IFT140: variants seen among roughly 807,000 people sequenced by gnomAD.
The protein encoded by IFT140 is intraflagellar transport protein 140 homolog.
Under a neutral mutation model 164.6 loss-of-function variants are expected in IFT140, and 133 were observed. The ratio of observed to expected loss-of-function variants is 0.81; its 90% CI spans 0.70 to 0.93. The LOEUF (loss-of-function observed/expected upper bound fraction) is 0.93, where lower values mean the gene tolerates loss of function less well. IFT140 is among the 40% of genes least tolerant of loss of function. IFT140 has a pLI of 0.00. For missense variants in IFT140, 2,045 were observed against 1,972.3 expected, an observed-to-expected ratio of 1.04 and a Z score of -0.70; for synonymous variants, 860 against 817.3, an observed-to-expected ratio of 1.05 and a Z score of -0.89.
intron 19 of IFT140, chr16:1,542,090 C>T (rs765059177): frequency 4.2e-5 from 66 of 1,586,386 alleles, no homozygotes; most frequent in African/African-American, 2.8e-4. Flanking sequence ...AGTACCTGGG[C>T]GGGTGTGGCC....
At chr16:1,569,447 CT>C (rs1396951332) in intron 14 of IFT140, among the ~76,000 whole-genome samples, 1 of 148,250 alleles carries the variant, frequency 6.7e-6, no homozygotes, top group East Asian at 2.0e-4. Flanking sequence ...TCCCTCTTCC[CT>C]TCCCTCCCCT....
At position 1,531,586 on chromosome 16, in the gene IFT140, C is replaced by T. The variant is rs776572027; in HGVS notation, c.2400-4790G>A. On this transcript the variant is annotated intron_variant, in intron 19 of 30. Transcript: ENST00000426508. The surrounding 1 kb of genome is among the most constrained non-coding windows in gnomAD (Gnocchi z 4.7). ...GAAGCCCACCGCCCAGCTGCGAGTC[C>T]CCTTACTGGGAGTCACCCCCCGAGA... is the stretch of plus-strand genomic sequence containing the variant. 1 of 152,274 alleles carries T rather than the reference C, an allele frequency of 6.6e-6. No homozygotes were observed. The highest frequency in any genetic ancestry group is 1.9e-4 in the East Asian group (1 of 5,176). 9.4% of individuals were successfully genotyped at this position (152,274 alleles called of 1,614,324 possible).
rs576060920 is a variant in IFT140, at chr16:1,526,072, G to A, written c.2583C>T (p.Asp861=). The change falls in exon 21 of 31, where the codon GAC becomes GAT. Residue 861 remains aspartate (D), a synonymous_variant. Transcript: ENST00000426508. ...VLATQLGMLE[D]AEQLYRKCKR... ...TGCACTTCCTGTACAGCTGCTCGGC[G>A]TCCTCCTGAGGAATGAGGATGGGCA... 225 of 1,583,752 alleles carry A rather than the reference G, an allele frequency of 1.4e-4. No individual in the cohort carries two copies. The highest frequency in any genetic ancestry group is 2.4e-4 in the African/African-American group (18 of 74,346).
Position 1,518,477 on chromosome 16 carries a change from T to C in IFT140, c.4041-120A>G, listed in dbSNP as rs1471207306. 4 of 936,790 alleles carry C rather than the reference T, an allele frequency of 4.3e-6. No homozygotes were observed. The East Asian group carries it at 1.1e-4, about 27-fold the overall frequency. The allele number at this position is 936,790 out of a possible 1,614,324, so 58.0% of individuals were successfully genotyped here. A position where few individuals can be genotyped will look rare whatever the true frequency, so the allele number is the denominator to read the frequency against. ...TCCGGAATGGCAGGAGGAAACTTTC[T>C]ATGAAGTTAAATTCATTAATTCCTT... On this transcript the variant is annotated intron_variant, in intron 29 of 30. Transcript: ENST00000426508.
intron 19 of IFT140, chr16:1,527,087 T>C: frequency 9.1e-6 from 4 of 439,152 alleles, no homozygotes; most frequent in Non-Finnish European, 8.1e-6. Flanking sequence ...TTCCCTGCTC[T>C]AAGCGGCTGT....
At position 1,553,291 on chromosome 16, in the gene IFT140, C is replaced by A. The variant is rs1314260492; in HGVS notation, c.2399+4644G>T. The A allele has an allele frequency of 8.2e-6, 8 of 981,268 alleles. No homozygotes were observed. The East Asian group carries it at 8.0e-4, about 98-fold the overall frequency. 60.8% of individuals were successfully genotyped at this position (981,268 alleles called of 1,614,324 possible). A position where few individuals can be genotyped will look rare whatever the true frequency, so the allele number is the denominator to read the frequency against. ...TGGTCTCTGTCTCTCTGTGTCTCTG[C>A]CTGTCTCTCTGTGTCTCTGTCTCTG... On this transcript the variant is annotated intron_variant, in intron 19 of 30. Transcript: ENST00000426508. The surrounding 1 kb of genome is among the most constrained non-coding windows in gnomAD (Gnocchi z 4.4).
intron 4 of IFT140, among the ~76,000 whole-genome samples, chr16:1,601,053 A>C (rs1438495928): frequency 4.6e-5 from 7 of 152,128 alleles, no homozygotes; most frequent in Admixed American, 4.6e-4. Context: ...TCTTGACGTC[A>C]GCAGCTTGAA....
chr16:1,525,741 C>T (rs2040670430), intron 21 of IFT140, 146 bp downstream of exon 21: 2 of 851,644 alleles, frequency 2.3e-6, no homozygotes, highest in Admixed American at 3.0e-5. Context: ...CTCCCAGAAG[C>T]TTCCTGCCGA....
chr16:1,608,391 G>A (rs112769642), intron 2 of IFT140, among the ~76,000 whole-genome samples: 3,263 of 152,254 alleles, frequency 0.021, 108 homozygotes, highest in African/African-American at 0.073. Context: ...CAATTTGGGA[G>A]GCCGAGGTGG....
intron 26 of IFT140, among the ~76,000 whole-genome samples, chr16:1,522,353 T>C (rs976235870): frequency 6.6e-5 from 10 of 151,214 alleles, no homozygotes; most frequent in African/African-American, 9.7e-5. Flanking sequence ...AGAGACTCTG[T>C]CTCAAAATAA....
At chr16:1,594,674 C>T (rs1445309847) in intron 4 of IFT140, among the ~76,000 whole-genome samples, 1 of 152,238 alleles carries the variant, frequency 6.6e-6, no homozygotes, top group Non-Finnish European at 1.5e-5. Context: ...GCGGCACAGA[C>T]AGGTGCGAGT....
At chr16:1,560,307 C>T (rs769297446) in intron 18 of IFT140, among the ~76,000 whole-genome samples, 6 of 152,234 alleles carry the variant, frequency 3.9e-5, no homozygotes, top group Non-Finnish European at 8.8e-5. Context: ...AGCACCACGC[C>T]GGCCTCTGCT....
rs756142477 is a variant in IFT140 at position 1,519,996 on chromosome 16, C to G, written c.3925G>C (p.Glu1309Gln). 6.2e-7 allele frequency: 1 copy of G among 1,604,870 alleles called. No homozygotes were observed. Among genetic ancestry groups the G allele is most frequent in the African/African-American group, 1.3e-5 (1 of 74,424 alleles). The change falls in exon 29 of 31, where the codon GAG becomes CAG. Residue 1309 changes from glutamate (E) to glutamine (Q), a missense_variant. Physicochemically the swap from Glu to Gln is conservative, Grantham distance 29. Transcript: ENST00000426508. ...NYDKAHGALT[E>Q]AYKCLAKAKA... is the part of the protein sequence containing the mutation. ...GCCTTGGCCAGGCACTTGTAGGCCT[C>G]GGTCAGCGCCCCGTGGGCTTTGTCG...
chr16:1,572,604 C>T (rs1018803650), intron 13 of IFT140, among the ~76,000 whole-genome samples: 5 of 152,330 alleles, frequency 3.3e-5, no homozygotes, highest in Admixed American at 1.3e-4. Context: ...CGAGAACATG[C>T]CACTGCACTC....
chr16:1,520,858 A>C (rs1256315387), intron 26 of IFT140, 50 bp from the exon 27 acceptor site: 1 of 1,527,074 alleles, frequency 6.5e-7, no homozygotes, highest in African/African-American at 1.4e-5. Flanking sequence ...CCGGGAACTG[A>C]AGTGCGCCCC....
At position 1,520,326 on chromosome 16, in the gene IFT140, G is replaced by C. The variant is rs1266292377; in HGVS notation, c.3678C>G (p.Leu1226=). Reference sequence around the variant, plus strand: ...TGATTTTCTCCGTGTCTCCGGATTTGAGCAGCGCCCTCATGGCCTAGGCAG... The same window carrying C: ...TGATTTTCTCCGTGTCTCCGGATTTCAGCAGCGCCCTCATGGCCTAGGCAG... ...GNKLKAMRAL[L]KSGDTEKITF... Residue 1226 remains leucine (L), a synonymous_variant, in exon 28 of 31, where the codon CTC becomes CTG. Transcript: ENST00000426508. The C allele has an allele frequency of 3.1e-6, 5 of 1,614,032 alleles. No individual in the cohort carries two copies. Among genetic ancestry groups the C allele is most frequent in the Non-Finnish European group, 4.2e-6 (5 of 1,180,050 alleles).
intron 4 of IFT140, among the ~76,000 whole-genome samples, chr16:1,599,639 G>C (rs1355676895): frequency 1.2e-4 from 8 of 65,820 alleles, no homozygotes; most frequent in African/African-American, 5.7e-4. Context: ...CGCCCCGTCC[G>C]GGAGGGAGGT....
intron 19 of IFT140, among the ~76,000 whole-genome samples, chr16:1,549,589 G>A (rs368948845): frequency 1.7e-3 from 254 of 152,320 alleles, no homozygotes; most frequent in African/African-American, 5.6e-3. Context: ...CCGCCACCAC[G>A]CCCGGCTAAT....
chr16:1,534,922 C>T (rs577481489), intron 19 of IFT140, among the ~76,000 whole-genome samples: 6 of 152,192 alleles, frequency 3.9e-5, no homozygotes, highest in South Asian at 2.1e-4. Flanking sequence ...ATAATTATTA[C>T]GGCTGGGCGC....
Sources: allele counts gnomAD v4.1 joint callset (sites outside exome capture counted in the v4.1 genomes callset), GRCh38; gene constraint gnomAD v4.1.1; non-coding constraint Gnocchi (gnomAD v3.1); transcripts MANE v1.5; gene names NCBI Gene and HGNC (gene_info 2026-07-23, HGNC 2026-07-21).